Variants in ZNF816 observed in about 807,000 individuals in gnomAD.
ZNF816 encodes zinc finger protein 816A.
A neutral mutation model predicts 8.3 loss-of-function variants in ZNF816; 11 were observed. The ratio of observed to expected loss-of-function variants is 1.32; its 90% CI spans 0.83 to 2.19. The LOEUF is 2.19. ZNF816 is among the 30% of genes most tolerant of loss of function. The pLI is 0.00. For synonymous variants in ZNF816, 255 were observed against 254.5 expected (o/e 1.00, Z -0.02); for missense variants, 710 against 779.3 (o/e 0.91, Z 1.06).
chr19:52,955,091 C>G (rs2083498304), intron 2 of ZNF816, among the ~76,000 whole-genome samples: 1 of 152,070 alleles, frequency 6.6e-6, no homozygotes, highest in Non-Finnish European at 1.5e-5. Flanking sequence ...ATGGCTCCAT[C>G]CTCTCTAACG....
intron 2 of ZNF816, 124 bp downstream of exon 2, chr19:52,955,903 C>A: frequency 7.9e-7 from 1 of 1,272,110 alleles, no homozygotes; most frequent in Non-Finnish European, 1.1e-6. Context: ...TGAGAAAAGA[C>A]ACGGGTGAGT....
chr19:52,956,016 A>G lies in ZNF816; in HGVS notation c.63+11T>C, dbSNP rs772585230. 9 of 1,603,422 alleles carry G rather than the reference A, an allele frequency of 5.6e-6. No individual in the cohort carries two copies. Among genetic ancestry groups the G allele is most frequent in the South Asian group, 1.1e-5 (1 of 90,136 alleles). ...AAGAGACAGAAGAATCCACCAAGGA[A>G]TATCACTTACCTGAGGAAGAGCCAT... On this transcript the variant is annotated intron_variant, in intron 2 of 3. Coordinates refer to ENST00000444460, the MANE Select transcript of ZNF816 (RefSeq NM_001202457.3).
intron 3 of ZNF816, 163 bp downstream of exon 3, chr19:52,952,588 T>C: frequency 7.3e-7 from 1 of 1,361,222 alleles, no homozygotes; most frequent in Non-Finnish European, 9.9e-7. Flanking sequence ...GAAGAGTCTC[T>C]AAGAAGCTGT....
chr19:52,959,457 T>C (rs2122171748), intron 1 of ZNF816, among the ~76,000 whole-genome samples: 1 of 152,238 alleles, frequency 6.6e-6, no homozygotes, highest in East Asian at 1.9e-4. Flanking sequence ...GAGCTATAAG[T>C]GGACAGGAGC....
rs139377623 is a variant in ZNF816 at position 52,956,328 on chromosome 19, C to A, written c.-15-224G>T. The stretch of plus-strand genomic sequence containing the variant: ...CCCCTCCTGGAAAAGTCCACACACA[C>A]GCTGCAGCAGGACACAGATCTTCAG... On this transcript the variant is annotated intron_variant, in intron 1 of 3. Coordinates refer to ENST00000444460, the MANE Select transcript of ZNF816 (RefSeq NM_001202457.3). The A allele has an allele frequency of 4.4e-3, 2,062 of 465,220 alleles. 35 individuals are homozygous for A. The highest frequency in any genetic ancestry group is 0.038 in the African/African-American group (1,924 of 50,548). The allele number at this position is 465,220 out of a possible 1,614,324, so 28.8% of individuals were successfully genotyped here. A position where few individuals can be genotyped will look rare whatever the true frequency, so the allele number is the denominator to read the frequency against.
chr19:52,954,896 T>G (rs1400082044), intron 2 of ZNF816, among the ~76,000 whole-genome samples: 1 of 151,716 alleles, frequency 6.6e-6, no homozygotes. Context: ...TCTAAAGGAT[T>G]GCGCCGACTT....
At position 52,949,816 on chromosome 19, in the gene ZNF816, T is replaced by C. The variant is rs1429974437; in HGVS notation, c.*3A>G. Reference sequence around the variant, plus strand: ...AGCATTACTGAAGACTTTGTGACAATCATTACATTTGTAAAGTTTCCCTAC... The same window carrying C: ...AGCATTACTGAAGACTTTGTGACAACCATTACATTTGTAAAGTTTCCCTAC... On this transcript the variant is annotated 3_prime_UTR_variant, in exon 4 of 4. Coordinates refer to ENST00000444460, the MANE Select transcript of ZNF816 (RefSeq NM_001202457.3). 1 of 1,613,430 alleles carries C rather than the reference T, an allele frequency of 6.2e-7. No individual in the cohort carries two copies. Among genetic ancestry groups the C allele is most frequent in the East Asian group, 2.2e-5 (1 of 44,836 alleles).
At position 52,951,096 on chromosome 19, in the gene ZNF816, T is replaced by C; in HGVS notation, c.679A>G (p.Lys227Glu). Reference protein sequence around the residue: ...TQIQEICMREKPCQSNECGKA... With the variant: ...TQIQEICMREEPCQSNECGKA... ...CCACACTCATTACTTTGGCAAGGTT[T>C]TTCTCTCATGCATATTTCCTGTATT... The change falls in exon 4 of 4, where the codon AAA becomes GAA. Residue 227 changes from lysine to glutamate, a missense_variant. Lys to Glu is a moderately conservative substitution (Grantham distance 56). Transcript: ENST00000444460. 1 of 1,614,032 alleles carries C rather than the reference T, an allele frequency of 6.2e-7. No homozygotes were observed. Among genetic ancestry groups the C allele is most frequent in the Non-Finnish European group, 8.5e-7 (1 of 1,179,978 alleles).
In ZNF816 at chr19:52,950,320, T is replaced by C. The variant is rs2083444415; in HGVS notation, c.1455A>G (p.Glu485=). The part of the protein sequence containing the change: ...HTGEKPYTCN[E]CGKVFSRREN... ...CTCTTCGACTAAAAACCTTGCCACA[T>C]TCATTACATGTGTAAGGTTTCTCTC... Residue 485 remains glutamate, a synonymous_variant, in exon 4 of 4, where the codon GAA becomes GAG. Transcript: ENST00000444460. 1 of 1,613,790 alleles carries C rather than the reference T, an allele frequency of 6.2e-7. No homozygotes were observed. The highest frequency in any genetic ancestry group is 8.5e-7 in the Non-Finnish European group (1 of 1,179,964).
intron 3 of ZNF816, chr19:52,951,965 C>A: frequency 2.5e-6 from 1 of 406,142 alleles, no homozygotes; most frequent in South Asian, 1.2e-4. Context: ...GATGTCCTCC[C>A]TAAGAGGAAT....
chr19:52,959,455 A>C lies in ZNF816; in HGVS notation c.-16+3272T>G, dbSNP rs145289556. ...GGGCATCAGTAGACTGGGAGCTATA[A>C]GTGGACAGGAGCAGCTTCAACAGCC... On this transcript the variant is annotated intron_variant, in intron 1 of 3. Transcript: ENST00000444460. Among the ~76,000 whole-genome samples the C allele has an allele frequency of 1.7e-3, 255 of 152,324 alleles. 3 individuals carry two copies. The highest frequency in any genetic ancestry group is 0.015 in the East Asian group (75 of 5,170).
chr19:52,950,309 A>C lies in ZNF816; in HGVS notation c.1466T>G (p.Val489Gly), dbSNP rs200621123. The C allele has an allele frequency of 3.5e-5, 56 of 1,613,074 alleles. No individual in the cohort carries two copies. The highest frequency in any genetic ancestry group is 4.7e-5 in the Non-Finnish European group (56 of 1,179,790). ...TGCAAGGTTTTCTCTTCGACTAAAA[A>C]CCTTGCCACATTCATTACATGTGTA... ...KPYTCNECGK[V>G]FSRRENLARH... The change falls in exon 4 of 4, where the codon GTT (valine) becomes GGT (glycine). Residue 489 changes from valine (V) to glycine (G), a missense_variant. Physicochemically the swap from Val to Gly is moderately radical, Grantham distance 109 (BLOSUM62 -3). Coordinates refer to ENST00000444460, the MANE Select transcript of ZNF816 (RefSeq NM_001202457.3).
At chr19:52,960,728 C>T (rs912196817) in intron 1 of ZNF816, among the ~76,000 whole-genome samples, 11 of 152,140 alleles carry the variant, frequency 7.2e-5, no homozygotes, top group Admixed American at 6.5e-4. Context: ...GTACCCCAGA[C>T]CGTCATCCTG....
At chr19:52,954,552 G>A (rs1201008881) in intron 2 of ZNF816, among the ~76,000 whole-genome samples, 1 of 151,620 alleles carries the variant, frequency 6.6e-6, no homozygotes, top group Non-Finnish European at 1.5e-5. Context: ...CAGACCGGGA[G>A]CAGGGCTCAC....
chr19:52,949,921 C>T lies in ZNF816; in HGVS notation c.1854G>A (p.Glu618=), dbSNP rs776379947. ...CACACTCATTACACTTGTAAGGTTT[C>T]TCTGCAGTATGAACTCTCTGATGTT... ...LAKHQRVHTA[E]KPYKCNECGK... The change falls in exon 4 of 4, where the codon GAG becomes GAA. Residue 618 remains glutamate, a synonymous_variant. Transcript: ENST00000444460. The T allele has an allele frequency of 3.3e-5, 54 of 1,613,942 alleles. 1 individual carries two copies. In the South Asian group the frequency reaches 5.6e-4, roughly 17 times the overall value.
At chr19:52,953,676 TATA>T (rs1353431383) in intron 2 of ZNF816, among the ~76,000 whole-genome samples, 6 of 140,794 alleles carry the variant, frequency 4.3e-5, no homozygotes, top group Admixed American at 7.6e-5. Context: ...ATATATTATA[TATA>T]ATATTGTATA....
chr19:52,951,211 T>C lies in ZNF816; in HGVS notation c.564A>G (p.Ser188=), dbSNP rs2083456268. ...AAGAAATTCTTTGGGATTCTGAAGC[T>C]GAGGAAGCACCGATAGACTTGTCCA... The part of the protein sequence containing the change: ...NQLDKSIGAS[S]ASESQRISCR... The change falls in exon 4 of 4, where the codon TCA becomes TCG. Residue 188 remains serine, a synonymous_variant. Transcript: ENST00000444460. 6.4e-7 allele frequency: 1 copy of C among 1,566,750 alleles called. No individual in the cohort carries two copies. Among genetic ancestry groups the C allele is most frequent in the African/African-American group, 2.2e-5 (1 of 46,040 alleles).
intron 1 of ZNF816, chr19:52,960,201 AG>A: frequency 4.1e-6 from 1 of 245,970 alleles, no homozygotes; most frequent in Non-Finnish European, 7.9e-6. Context: ...AATGCGAGGC[AG>A]GGTTCAGCCA....
At chr19:52,952,636 T>G in intron 3 of ZNF816, 115 bp downstream of exon 3, 1 of 1,561,606 alleles carries the variant, frequency 6.4e-7, no homozygotes, top group African/African-American at 1.4e-5. Flanking sequence ...CAGAAAACAA[T>G]GACATGTACA....
Sources: allele counts gnomAD v4.1 joint callset (sites outside exome capture counted in the v4.1 genomes callset), GRCh38; gene constraint gnomAD v4.1.1; transcripts MANE v1.5; gene names NCBI Gene and HGNC (gene_info 2026-07-23, HGNC 2026-07-21).